ZNF704: variants seen among roughly 807,000 people sequenced by gnomAD.
ZNF704 encodes glucocorticoid induced gene 1.
A neutral mutation model predicts 44.7 loss-of-function variants in ZNF704; 10 were observed. The ratio of observed to expected loss-of-function variants is 0.22; its 90% confidence interval spans 0.14 to 0.38. The LOEUF (loss-of-function observed/expected upper bound fraction) is 0.38, where lower values mean the gene tolerates loss of function less well. Among genes scored for constraint, ZNF704 ranks in the 10% least tolerant of loss-of-function variants. ZNF704 has a pLI of 1.00. For missense variants in ZNF704, 390 were observed against 545.5 expected (o/e 0.71, Z 2.84); for synonymous variants, 211 against 207.6 (o/e 1.02, Z -0.14).
chr8:80,817,706 T>C (rs1808199661), intron 2 of ZNF704, among the ~76,000 whole-genome samples: 3 of 152,242 alleles, frequency 2.0e-5, no homozygotes, highest in Non-Finnish European at 2.9e-5. Context: ...ACAGGGAGTT[T>C]GTATTGATAC....
intron 1 of ZNF704, among the ~76,000 whole-genome samples, chr8:80,826,127 A>T (rs189698858): frequency 0.013 from 1,942 of 152,330 alleles, 19 homozygotes; most frequent in Non-Finnish European, 0.021. Flanking sequence ...AAAAAAATCA[A>T]TGAATCCAGG....
intron 2 of ZNF704, chr8:80,749,567 G>A (rs1343608888): frequency 6.5e-6 from 1 of 153,280 alleles, no homozygotes; most frequent in East Asian, 1.9e-4. Flanking sequence ...GAGTAAGGGT[G>A]CTGGCACCAG....
At chr8:80,721,205 A>G (rs371183726) in intron 2 of ZNF704, among the ~76,000 whole-genome samples, 1 of 152,324 alleles carries the variant, frequency 6.6e-6, no homozygotes, top group South Asian at 2.1e-4. Flanking sequence ...GTTTGAACAG[A>G]GATTTGCAAT....
At chr8:80,793,179 G>C (rs781509399) in intron 2 of ZNF704, among the ~76,000 whole-genome samples, 1 of 152,200 alleles carries the variant, frequency 6.6e-6, no homozygotes, top group African/African-American at 2.4e-5. Flanking sequence ...CTGATTTAAG[G>C]TGGGGTATGG....
At chr8:80,852,578 A>C (rs1349891605) in intron 1 of ZNF704, among the ~76,000 whole-genome samples, 1 of 152,190 alleles carries the variant, frequency 6.6e-6, no homozygotes, top group South Asian at 2.1e-4. Flanking sequence ...CACCTTACAC[A>C]GACTCCGAAT....
chr8:80,764,108 C>T lies in ZNF704; in HGVS notation c.221+57266G>A, dbSNP rs56745809. Among the ~76,000 whole-genome samples, 730 of 152,296 alleles carry T rather than the reference C, an allele frequency of 4.8e-3. 7 individuals carry two copies. Among genetic ancestry groups the T allele is most frequent in the African/African-American group, 0.016 (647 of 41,566 alleles). ...TCTGAGCATTCCAAACTGTTCCAAC[C>T]TCTGCCTGTTACCCAGTTCCAAAGT... On this transcript the variant is annotated intron_variant, in intron 2 of 8. Transcript: ENST00000327835.
At chr8:80,784,901 A>G (rs2129722863) in intron 2 of ZNF704, among the ~76,000 whole-genome samples, 1 of 152,356 alleles carries the variant, frequency 6.6e-6, no homozygotes, top group Admixed American at 6.5e-5. Context: ...GATTGACAGA[A>G]AAACTGAGAC....
chr8:80,796,899 A>G (rs1162397118), intron 2 of ZNF704, among the ~76,000 whole-genome samples: 2 of 137,868 alleles, frequency 1.5e-5, no homozygotes, highest in Non-Finnish European at 3.2e-5. Flanking sequence ...GGAAAGGGAA[A>G]GAGAAAGGGA....
intron 7 of ZNF704, among the ~76,000 whole-genome samples, chr8:80,648,995 CTT>C (rs897412680): frequency 5.3e-5 from 8 of 152,310 alleles, no homozygotes; most frequent in Admixed American, 2.6e-4. Flanking sequence ...TACTCTCTCT[CTT>C]AGTGGTCTCT....
At chr8:80,805,723 T>C (rs991555994) in intron 2 of ZNF704, among the ~76,000 whole-genome samples, 1 of 152,200 alleles carries the variant, frequency 6.6e-6, no homozygotes, top group African/African-American at 2.4e-5. Flanking sequence ...TTTTCCAAGA[T>C]TGATCATAAT....
intron 2 of ZNF704, among the ~76,000 whole-genome samples, chr8:80,783,075 T>C (rs1586024377): frequency 6.6e-6 from 1 of 152,144 alleles, no homozygotes; most frequent in Non-Finnish European, 1.5e-5. Flanking sequence ...GGGCTATAAA[T>C]GGATAAAGTC....
chr8:80,667,381 C>T (rs958166427), intron 5 of ZNF704, among the ~76,000 whole-genome samples: 1 of 152,146 alleles, frequency 6.6e-6, no homozygotes, highest in African/African-American at 2.4e-5. Flanking sequence ...CAGACGCCAC[C>T]AAGGAGCTGT....
At chr8:80,777,584 A>G (rs534285984) in intron 2 of ZNF704, among the ~76,000 whole-genome samples, 2 of 152,276 alleles carry the variant, frequency 1.3e-5, no homozygotes, top group South Asian at 4.1e-4. Context: ...GAATCATATG[A>G]AAGTAACCCA....
upstream of ZNF704, among the ~76,000 whole-genome samples, chr8:80,877,791 C>T (rs1046747607): frequency 1.3e-5 from 2 of 151,882 alleles, no homozygotes; most frequent in Non-Finnish European, 2.9e-5. Flanking sequence ...AGGAAGCAGA[C>T]AATAATCAAA....
chr8:80,861,123 C>A (rs186756666), intron 1 of ZNF704, among the ~76,000 whole-genome samples: 14 of 152,314 alleles, frequency 9.2e-5, no homozygotes, highest in African/African-American at 2.6e-4. Context: ...TAATTCAACT[C>A]TGTTCACTGC....
chr8:80,632,223 A>T lies in ZNF704; in HGVS notation c.*9143T>A, dbSNP rs932545826. The T allele has an allele frequency of 6.6e-6, 1 of 152,326 alleles. No homozygotes were observed. The highest frequency in any genetic ancestry group is 3.4e-3 in the Middle Eastern group (1 of 294). 9.4% of individuals were successfully genotyped at this position (152,326 alleles called of 1,614,324 possible). On this transcript the variant is annotated 3_prime_UTR_variant, in exon 9 of 9. Coordinates refer to ENST00000327835, the MANE Select transcript of ZNF704 (RefSeq NM_001033723.3). ...TAGTCTCACCCCAGGTGCAGCAGTG[A>T]AATCTTGGCTCACTGCAACCTCTGC...
intron 1 of ZNF704, among the ~76,000 whole-genome samples, chr8:80,838,778 AGGCAGC>A (rs2129955450): frequency 6.6e-6 from 1 of 150,446 alleles, no homozygotes; most frequent in South Asian, 2.1e-4. Context: ...GTGGCAATGG[AGGCAGC>A]GGCAGGGAGC....
chr8:80,852,644 C>T (rs189435907), intron 1 of ZNF704, among the ~76,000 whole-genome samples: 9 of 152,292 alleles, frequency 5.9e-5, no homozygotes, highest in East Asian at 5.8e-4. Flanking sequence ...AACAGTTTCA[C>T]GCTTGCTGCT....
intron 2 of ZNF704, among the ~76,000 whole-genome samples, chr8:80,782,305 A>G (rs1807540167): frequency 6.6e-6 from 1 of 152,208 alleles, no homozygotes; most frequent in Admixed American, 6.5e-5. Flanking sequence ...GACAAATGTA[A>G]TTGTCTGCAT....
Sources: gnomAD v4.1 joint callset for allele counts (sites outside exome capture counted in the v4.1 genomes callset) on GRCh38, gnomAD v4.1.1 for gene constraint, MANE v1.5 for transcripts, NCBI Gene and HGNC (gene_info 2026-07-23, HGNC 2026-07-21) for gene names.